THADA: variants seen among roughly 807,000 people sequenced by gnomAD.
The protein encoded by THADA is tRNA (32-2'-O)-methyltransferase regulator THADA.
A neutral mutation model predicts 219.8 loss-of-function variants in THADA; 213 were observed. The ratio of observed to expected loss-of-function variants is 0.97; its 90% confidence interval spans 0.87 to 1.09. The LOEUF is 1.09. Ranked by LOEUF, THADA falls within the 50% of genes least tolerant of loss-of-function variation. The probability of loss-of-function intolerance (pLI) is 0.00; values close to 1 mark genes in which losing one functional copy is unlikely to be tolerated. For missense variants in THADA, 2,956 were observed against 2,311.3 expected (o/e 1.28, Z -5.72); for synonymous variants, 1,018 against 828.9 (o/e 1.23, Z -3.92).
intron 21 of THADA, among the ~76,000 whole-genome samples, chr2:43,537,770 C>G (rs1361860218): frequency 6.6e-6 from 1 of 151,504 alleles, no homozygotes; most frequent in East Asian, 1.9e-4. Context: ...AATTCAAAAC[C>G]AGCCTGGCAA....
intron 22 of THADA, among the ~76,000 whole-genome samples, chr2:43,513,869 A>G (rs1026866523): frequency 3.3e-5 from 5 of 152,166 alleles, no homozygotes; most frequent in Non-Finnish European, 7.4e-5. Flanking sequence ...TGTTTAGGAT[A>G]CTGAAGTGAT....
In THADA at chr2:43,577,193, C is replaced by T; in HGVS notation, c.866G>A (p.Trp289Ter). The T allele has an allele frequency of 6.2e-7, 1 of 1,603,334 alleles. No homozygotes were observed. Among genetic ancestry groups the T allele is most frequent in the Non-Finnish European group, 8.5e-7 (1 of 1,175,122 alleles). ...GAGGCTCCTGCAGCTGCTCATAAAC[C>T]ACTCGGGGACACTGGTGCAGTCCAC... The part of the protein sequence containing the change: ...RSVDCTSVPE[W>*]FMSSCRSLCC... The change falls in exon 10 of 38, where the codon TGG becomes TAG. Residue 289 changes from tryptophan to a stop codon, truncating the protein, a stop_gained. Transcript: ENST00000405975. LOFTEE classifies it high-confidence loss of function.
intron 29 of THADA, among the ~76,000 whole-genome samples, chr2:43,354,877 G>A (rs1045653852): frequency 6.6e-6 from 1 of 152,168 alleles, no homozygotes; most frequent in Non-Finnish European, 1.5e-5. Context: ...CTGTTCTCAT[G>A]ATAGAGAGTG....
intron 20 of THADA, 41 bp downstream of exon 20, chr2:43,549,169 T>C: frequency 6.8e-7 from 1 of 1,469,624 alleles, no homozygotes; most frequent in South Asian, 1.4e-5. Flanking sequence ...TTTTACTGGT[T>C]ACTTAAACAT....
intron 15 of THADA, 121 bp from the exon 16 acceptor site, chr2:43,560,506 A>G (rs1045854930): frequency 5.0e-6 from 3 of 605,636 alleles, no homozygotes; most frequent in Non-Finnish European, 7.9e-6. Context: ...TACTTTACCC[A>G]TGATAGCTAA....
chr2:43,250,328 T>C (rs1572772735), intron 36 of THADA, among the ~76,000 whole-genome samples: 1 of 152,316 alleles, frequency 6.6e-6, no homozygotes, highest in Admixed American at 6.5e-5. Context: ...TAAATCCATT[T>C]ATATGAAAAA....
At chr2:43,500,263 G>C (rs183504369) in intron 24 of THADA, among the ~76,000 whole-genome samples, 6 of 152,328 alleles carry the variant, frequency 3.9e-5, no homozygotes, top group Non-Finnish European at 7.3e-5. Context: ...TGGAGAGAAG[G>C]ATGTGGACTG....
At chr2:43,417,737 T>C (rs562558866) in intron 28 of THADA, among the ~76,000 whole-genome samples, 1 of 152,330 alleles carries the variant, frequency 6.6e-6, no homozygotes, top group East Asian at 1.9e-4. Flanking sequence ...AGAGCTAGAA[T>C]AGCTAAAGCA....
intron 31 of THADA, among the ~76,000 whole-genome samples, chr2:43,294,945 A>G (rs1369987481): frequency 6.6e-6 from 1 of 152,216 alleles, no homozygotes; most frequent in Non-Finnish European, 1.5e-5. Flanking sequence ...TTCTTCACAC[A>G]TGTTCATCAT....
intron 31 of THADA, among the ~76,000 whole-genome samples, chr2:43,295,607 C>T (rs966160581): frequency 5.3e-5 from 8 of 152,278 alleles, no homozygotes; most frequent in Middle Eastern, 6.8e-3. Context: ...TTAAGTGATA[C>T]GCATTTATAG....
At chr2:43,338,743 T>G (rs1430242737) in intron 30 of THADA, among the ~76,000 whole-genome samples, 3 of 152,372 alleles carry the variant, frequency 2.0e-5, no homozygotes, top group East Asian at 3.9e-4. Context: ...TACCACATTT[T>G]GTTTATCCAT....
intron 13 of THADA, among the ~76,000 whole-genome samples, chr2:43,571,249 AT>A (rs34717327): frequency 0.31 from 37,803 of 123,126 alleles, 5,048 homozygotes; most frequent in South Asian, 0.39. Flanking sequence ...GAGCAAGACT[AT>A]TTTTTTTTTT....
chr2:43,418,436 G>A (rs1268626648), intron 28 of THADA, among the ~76,000 whole-genome samples: 1 of 152,028 alleles, frequency 6.6e-6, no homozygotes, highest in Non-Finnish European at 1.5e-5. Context: ...GCCACCCTGA[G>A]TCCTGATTCT....
intron 29 of THADA, among the ~76,000 whole-genome samples, chr2:43,388,988 T>C (rs571874593): frequency 3.3e-4 from 50 of 152,316 alleles, no homozygotes; most frequent in African/African-American, 1.2e-3. Context: ...CAAGTATTAA[T>C]AATAGCAACT....
chr2:43,554,285 T>C (rs1334756518), intron 17 of THADA, among the ~76,000 whole-genome samples: 2 of 152,212 alleles, frequency 1.3e-5, no homozygotes, highest in African/African-American at 2.4e-5. Context: ...AGCTTTTGTA[T>C]ATGGCATAAG....
intron 28 of THADA, among the ~76,000 whole-genome samples, chr2:43,409,054 AT>A (rs888359601): frequency 3.3e-5 from 5 of 152,180 alleles, no homozygotes; most frequent in African/African-American, 1.2e-4. Flanking sequence ...TCCTTTCATC[AT>A]GTAGAACCTC....
At chr2:43,442,653 T>C (rs531504192) in intron 26 of THADA, among the ~76,000 whole-genome samples, 1 of 152,288 alleles carries the variant, frequency 6.6e-6, no homozygotes, top group African/African-American at 2.4e-5. Context: ...TTTGCTGTCT[T>C]ATGGGCTTTG....
chr2:43,268,274 TCTC>T (rs1490337523), intron 36 of THADA, among the ~76,000 whole-genome samples: 5 of 152,122 alleles, frequency 3.3e-5, no homozygotes, highest in African/African-American at 1.2e-4. Context: ...TGAATCCCAT[TCTC>T]CTCCTAACGC....
chr2:43,574,396 T>C lies in THADA; in HGVS notation c.1669A>G (p.Ser557Gly). Reference sequence around the variant, plus strand: ...ACCATGTACTGTAAGCTTTCAGGGCTGTAACTTAATAATTTTGGCAAGTAA... The same window carrying C: ...ACCATGTACTGTAAGCTTTCAGGGCCGTAACTTAATAATTTTGGCAAGTAA... ...DYYLPKLLSYSPESLQYMVKI... is the reference protein window; with the variant it reads ...DYYLPKLLSYGPESLQYMVKI... Residue 557 changes from serine (S) to glycine (G), a missense_variant, in exon 11 of 38, where the codon AGC becomes GGC. By Grantham distance (56) the Ser-to-Gly change is moderately conservative. Transcript: ENST00000405975. The C allele has an allele frequency of 1.2e-6, 2 of 1,609,510 alleles. No individual in the cohort carries two copies. The highest frequency in any genetic ancestry group is 1.7e-6 in the Non-Finnish European group (2 of 1,177,664).
Sources: gnomAD v4.1 joint callset for allele counts (sites outside exome capture counted in the v4.1 genomes callset) on GRCh38, gnomAD v4.1.1 for gene constraint, MANE v1.5 for transcripts, NCBI Gene and HGNC (gene_info 2026-07-23, HGNC 2026-07-21) for gene names.